The following CSMD3 variants were observed in gnomAD, a reference collection of about 807,000 sequenced individuals.
CSMD3 encodes CUB and Sushi multiple domains 3.
In CSMD3, 177 loss-of-function variants were observed where a neutral mutation model predicts 435.2. That is an observed-to-expected ratio of 0.41 (90% CI 0.36 to 0.46). CSMD3 has a LOEUF of 0.46. CSMD3 is among the 20% of genes least tolerant of loss of function. The pLI is 0.34. For missense variants in CSMD3, 4,265 were observed against 4,504.6 expected (o/e 0.95, Z 1.52); for synonymous variants, 1,656 against 1,520.5 (o/e 1.09, Z -2.07).
Position 113,283,995 on chromosome 8 carries a change from C to A in CSMD3, c.402-5291G>T, listed in dbSNP as rs549505365. Among the ~76,000 whole-genome samples, 4 of 152,222 alleles carry A rather than the reference C, an allele frequency of 2.6e-5. No homozygotes were observed. In the East Asian group the frequency reaches 7.7e-4, roughly 29 times the overall value. ...AGCAAAGTAAGTCAGGAATGGAAAACCAACATCATGTAGTCTCACTAATAT... is the reference window on the plus strand; with the variant it reads ...AGCAAAGTAAGTCAGGAATGGAAAAACAACATCATGTAGTCTCACTAATAT... On this transcript the variant is annotated intron_variant, in intron 2 of 70. Transcript: ENST00000297405.
chr8:112,279,671 C>T (rs900373930), intron 59 of CSMD3, among the ~76,000 whole-genome samples: 11 of 152,012 alleles, frequency 7.2e-5, no homozygotes, highest in Non-Finnish European at 1.3e-4. Context: ...CCAATTTGTT[C>T]AGTGTTTAAA....
intron 27 of CSMD3, among the ~76,000 whole-genome samples, chr8:112,528,546 C>A (rs1471198431): frequency 6.6e-6 from 1 of 151,910 alleles, no homozygotes; most frequent in Admixed American, 6.6e-5. Flanking sequence ...GGAAATAATT[C>A]CAATAAAAAG....
At chr8:112,474,299 T>G (rs1423628281) in intron 31 of CSMD3, among the ~76,000 whole-genome samples, 1 of 151,226 alleles carries the variant, frequency 6.6e-6, no homozygotes, top group East Asian at 1.9e-4. Flanking sequence ...CGAACTAGAG[T>G]GGGGAGGGGG....
chr8:112,823,523 G>A (rs7816472), intron 12 of CSMD3, among the ~76,000 whole-genome samples: 75,992 of 151,886 alleles, frequency 0.5, 19,491 homozygotes, highest in East Asian at 0.76. Flanking sequence ...ATGCTGTTTC[G>A]TTATTCTCAT....
Position 112,506,700 on chromosome 8 carries a change from G to A in CSMD3, c.4886C>T (p.Ala1629Val), listed in dbSNP as rs778050124. The A allele has an allele frequency of 4.3e-6, 7 of 1,613,326 alleles. No individual in the cohort carries two copies. Among genetic ancestry groups the A allele is most frequent in the East Asian group, 2.2e-5 (1 of 44,856 alleles). The change falls in exon 29 of 71, where the codon GCG becomes GTG. Residue 1629 changes from alanine (A) to valine (V), a missense_variant. Transcript: ENST00000297405. ...ATATATAAGAACTCACCTGATGAAC[G>A]CCAAGGAGATAACATAGTCTGCATT... ...TVNADYVISL[A>V]FISFSIEPNY... is the part of the protein sequence containing the mutation.
intron 5 of CSMD3, among the ~76,000 whole-genome samples, chr8:113,052,852 T>A (rs2088157549): frequency 1.3e-5 from 2 of 152,190 alleles, no homozygotes; most frequent in Non-Finnish European, 2.9e-5. Context: ...GCATGTGGAT[T>A]TTACAATAAA....
rs2089375974 is a variant in CSMD3 at position 113,077,172 on chromosome 8, A to G, written c.917+21584T>C. Among the ~76,000 whole-genome samples, 3 of 152,154 alleles carry G rather than the reference A, an allele frequency of 2.0e-5. No individual in the cohort carries two copies. The South Asian group carries it at 6.2e-4, about 32-fold the overall frequency. ...AATCTGAATAATTTTGATGGATTCTATAAATTTCCTGACTGTGATATCATA... is the reference window on the plus strand; with the variant it reads ...AATCTGAATAATTTTGATGGATTCTGTAAATTTCCTGACTGTGATATCATA... On this transcript the variant is annotated intron_variant, in intron 5 of 70. Coordinates refer to ENST00000297405, the MANE Select transcript of CSMD3 (RefSeq NM_198123.2).
At chr8:112,685,934 A>G (rs1438998141) in intron 14 of CSMD3, among the ~76,000 whole-genome samples, 1 of 151,452 alleles carries the variant, frequency 6.6e-6, no homozygotes, top group African/African-American at 2.4e-5. Context: ...TTAAGGCTCT[A>G]CCCTTAAATA....
At chr8:112,553,064 AAC>A (rs1827825748) in intron 25 of CSMD3, among the ~76,000 whole-genome samples, 1 of 152,162 alleles carries the variant, frequency 6.6e-6, no homozygotes, top group African/African-American at 2.4e-5. Flanking sequence ...GCTCACTGCT[AAC>A]AAATTGCAGG....
intron 12 of CSMD3, among the ~76,000 whole-genome samples, chr8:112,827,812 T>A (rs553742960): frequency 2.6e-5 from 4 of 151,950 alleles, no homozygotes; most frequent in African/African-American, 9.7e-5. Flanking sequence ...AAGTGGAAAA[T>A]GATAGAGGGA....
rs545654851 is a variant in CSMD3 at position 113,108,439 on chromosome 8, A to AAG, written c.710-9478_710-9477dup. Among the ~76,000 whole-genome samples, 12 of 151,842 alleles carry AAG rather than the reference A, an allele frequency of 7.9e-5. No individual in the cohort carries two copies. The South Asian group carries it at 2.3e-3, about 29-fold the overall frequency. ...GAGACGCCATCTCAAAAAAAAAAAA[A>AAG]AGGTTATGTATGTTGCAGGTCAAAA... On this transcript the variant is annotated intron_variant, in intron 4 of 70. Coordinates refer to ENST00000297405, the MANE Select transcript of CSMD3 (RefSeq NM_198123.2).
intron 6 of CSMD3, among the ~76,000 whole-genome samples, chr8:112,976,449 T>A (rs1239372491): frequency 6.6e-6 from 1 of 152,044 alleles, no homozygotes; most frequent in Non-Finnish European, 1.5e-5. Context: ...TAAAAAAATC[T>A]ACAGATGAAT....
At position 112,306,210 on chromosome 8, in the gene CSMD3, C is replaced by G. The variant is rs2130788874; in HGVS notation, c.7886-18G>C. ...GGAAATTGCTAGAAAAACATACACA[C>G]AAGCAAAATCGTATAAACAGAAAAA... On this transcript the variant is annotated intron_variant, in intron 50 of 70. Coordinates refer to ENST00000297405, the MANE Select transcript of CSMD3 (RefSeq NM_198123.2). 6.3e-7 allele frequency: 1 copy of G among 1,599,464 alleles called. No homozygotes were observed. The highest frequency in any genetic ancestry group is 8.6e-7 in the Non-Finnish European group (1 of 1,168,176).
At chr8:113,324,522 A>T (rs1320225086) in intron 1 of CSMD3, among the ~76,000 whole-genome samples, 1 of 152,162 alleles carries the variant, frequency 6.6e-6, no homozygotes, top group Admixed American at 6.5e-5. Context: ...GAAGTAAAGA[A>T]CTGGGGTTTG....
chr8:113,270,619 T>C (rs1447654408), intron 3 of CSMD3, among the ~76,000 whole-genome samples: 2 of 152,194 alleles, frequency 1.3e-5, no homozygotes, highest in South Asian at 2.1e-4. Flanking sequence ...ATGTGGCACA[T>C]ATACACCATG....
At chr8:112,983,763 A>G (rs1036972578) in intron 6 of CSMD3, among the ~76,000 whole-genome samples, 2 of 151,824 alleles carry the variant, frequency 1.3e-5, no homozygotes, top group African/African-American at 4.8e-5. Flanking sequence ...TAACTGGAAG[A>G]ATAGGGTTCA....
intron 6 of CSMD3, among the ~76,000 whole-genome samples, chr8:112,980,788 G>A (rs1038066461): frequency 1.3e-5 from 2 of 151,376 alleles, no homozygotes; most frequent in African/African-American, 4.8e-5. Context: ...TGCTAGTTGC[G>A]AAAATAATTG....
At chr8:113,231,392 G>A (rs534169690) in intron 3 of CSMD3, among the ~76,000 whole-genome samples, 72 of 151,184 alleles carry the variant, frequency 4.8e-4, no homozygotes, top group Non-Finnish European at 9.5e-4. Context: ...TAATAATATA[G>A]GCATAAAGTG....
At chr8:112,294,089 G>GC (rs146477727) in intron 54 of CSMD3, among the ~76,000 whole-genome samples, 3 of 139,114 alleles carry the variant, frequency 2.2e-5, no homozygotes, top group Non-Finnish European at 4.6e-5. Flanking sequence ...CAATTTGCTT[G>GC]GGGGGGGTGT....
Sources: gnomAD v4.1 joint callset for allele counts (sites outside exome capture counted in the v4.1 genomes callset) on GRCh38, gnomAD v4.1.1 for gene constraint, MANE v1.5 for transcripts, NCBI Gene and HGNC (gene_info 2026-07-23, HGNC 2026-07-21) for gene names.